The following RNF121 variants were observed in gnomAD, a reference collection of about 807,000 sequenced individuals.
RNF121 encodes the protein ring finger protein 121.
In RNF121, 21 loss-of-function variants were observed where a neutral mutation model predicts 46.5. The ratio of observed to expected loss-of-function variants is 0.45; its 90% confidence interval spans 0.32 to 0.65. The LOEUF (loss-of-function observed/expected upper bound fraction) is 0.65, where lower values mean the gene tolerates loss of function less well. RNF121 is among the 30% of genes least tolerant of loss of function. The probability of loss-of-function intolerance (pLI) is 0.04; values close to 1 mark genes in which losing one functional copy is unlikely to be tolerated. For synonymous variants in RNF121, 139 were observed against 144.7 expected (o/e 0.96, Z 0.28); for missense variants, 346 against 416.0 (o/e 0.83, Z 1.46).
chr11:71,970,285 G>T (rs1003961629), intron 3 of RNF121, among the ~76,000 whole-genome samples: 1 of 152,136 alleles, frequency 6.6e-6, no homozygotes, highest in Non-Finnish European at 1.5e-5. Flanking sequence ...TTACAAAATA[G>T]TAACAGATAG....
intron 7 of RNF121, 97 bp downstream of exon 7, chr11:71,994,949 C>G: frequency 6.6e-7 from 1 of 1,526,106 alleles, no homozygotes; most frequent in South Asian, 1.2e-5. Flanking sequence ...GGCATGCTGT[C>G]CAGACCCTTG....
At chr11:71,973,881 A>G (rs1954472681) in intron 3 of RNF121, among the ~76,000 whole-genome samples, 1 of 152,252 alleles carries the variant, frequency 6.6e-6, no homozygotes, top group Non-Finnish European at 1.5e-5. Context: ...GAAGAAATAT[A>G]AAATTTAAAA....
At chr11:71,970,270 A>C (rs921355845) in intron 3 of RNF121, among the ~76,000 whole-genome samples, 3 of 152,186 alleles carry the variant, frequency 2.0e-5, no homozygotes, top group Non-Finnish European at 4.4e-5. Flanking sequence ...AGTTCTGGAG[A>C]TCTGTTACAA....
rs1954846805 is a variant in RNF121 at position 71,990,622 on chromosome 11, T to G, written c.532T>G (p.Phe178Val). 3.7e-6 allele frequency: 6 copies of G among 1,614,124 alleles called. No homozygotes were observed. Among genetic ancestry groups the G allele is most frequent in the Non-Finnish European group, 4.2e-6 (5 of 1,179,966 alleles). Residue 178 changes from phenylalanine (F) to valine (V), a missense_variant, in exon 6 of 9, where the codon TTT becomes GTT. Physicochemically the swap from Phe to Val is conservative, Grantham distance 50. Transcript: ENST00000361756. ...GATCAAACCAGAAGATGCCATGGAC[T>G]TTGGCATCTCCCTTCTCTTCTATGG... ...FKIKPEDAMD[F>V]GISLLFYGLY...
intron 3 of RNF121, among the ~76,000 whole-genome samples, chr11:71,978,923 T>G (rs1349999553): frequency 6.6e-6 from 1 of 152,234 alleles, no homozygotes; most frequent in Non-Finnish European, 1.5e-5. Flanking sequence ...TTTCTGATCA[T>G]TTCAGTGTAT....
At chr11:71,960,697 C>T in intron 2 of RNF121, 53 bp from the exon 3 acceptor site, 4 of 1,582,950 alleles carry the variant, frequency 2.5e-6, no homozygotes, top group South Asian at 1.2e-5. Flanking sequence ...AGCACTGTCC[C>T]TTTATCACTA....
chr11:71,961,495 C>A (rs1173281517), intron 3 of RNF121, among the ~76,000 whole-genome samples: 1 of 151,918 alleles, frequency 6.6e-6, no homozygotes, highest in Non-Finnish European at 1.5e-5. Flanking sequence ...CCTGGGAGGT[C>A]AAGGCTGCAG....
chr11:71,996,539 T>A lies in RNF121; in HGVS notation c.*224T>A, dbSNP rs1330565496. 1 of 494,130 alleles carries A rather than the reference T, an allele frequency of 2.0e-6. No individual in the cohort carries two copies. Among genetic ancestry groups the A allele is most frequent in the Non-Finnish European group, 3.5e-6 (1 of 282,020 alleles). 30.6% of individuals were successfully genotyped at this position (494,130 alleles called of 1,614,324 possible). ...TAAAAGAAAACTATTTTGATGAATATATTTAAAAAACCTTTTTTTATTGTG... is the reference window on the plus strand; with the variant it reads ...TAAAAGAAAACTATTTTGATGAATAAATTTAAAAAACCTTTTTTTATTGTG... On this transcript the variant is annotated 3_prime_UTR_variant, in exon 9 of 9. Transcript: ENST00000361756.
chr11:71,976,569 A>G lies in RNF121; in HGVS notation c.244-6192A>G, dbSNP rs1315066378. Reference sequence around the variant, plus strand: ...CGGGGTTTTACCATGTTGGTTGGCCAGTATGGTCTCGATCTCTTGACCTCG... The same window carrying G: ...CGGGGTTTTACCATGTTGGTTGGCCGGTATGGTCTCGATCTCTTGACCTCG... On this transcript the variant is annotated intron_variant, in intron 3 of 8. Transcript: ENST00000361756. Among the ~76,000 whole-genome samples, 5 of 151,946 alleles carry G rather than the reference A, an allele frequency of 3.3e-5. No homozygotes were observed. The East Asian group carries it at 5.8e-4, about 18-fold the overall frequency.
chr11:71,980,856 CATAA>C (rs1486861420), intron 3 of RNF121, among the ~76,000 whole-genome samples: 4 of 152,046 alleles, frequency 2.6e-5, no homozygotes, highest in Non-Finnish European at 5.9e-5. Flanking sequence ...TAAGCCATTT[CATAA>C]ATAATTTTAA....
intron 1 of RNF121, among the ~76,000 whole-genome samples, chr11:71,954,605 A>C (rs1953950597): frequency 6.6e-6 from 1 of 152,128 alleles, no homozygotes; most frequent in African/African-American, 2.4e-5. Flanking sequence ...CAGAAGTCTT[A>C]TTTCTCTATT....
Position 71,950,716 on chromosome 11 carries a change from G to A in RNF121, c.64-6511G>A, listed in dbSNP as rs553897365. ...CTCCCAGGCTGGAGTGCAGTGGCGC[G>A]GTCTTGGCTCACTGCAAGCTCCGCC... On this transcript the variant is annotated intron_variant, in intron 1 of 8. Transcript: ENST00000361756. Among the ~76,000 whole-genome samples the A allele has an allele frequency of 1.8e-4, 27 of 151,898 alleles. No individual in the cohort carries two copies. In the South Asian group the frequency reaches 5.0e-3, roughly 28 times the overall value.
At chr11:71,951,101 G>T (rs1565145670) in intron 1 of RNF121, among the ~76,000 whole-genome samples, 2 of 151,646 alleles carry the variant, frequency 1.3e-5, no homozygotes. Flanking sequence ...GTGCATGCCT[G>T]TAATCTCAAC....
At position 71,997,281 on chromosome 11, in the gene RNF121, T is replaced by A. The variant is rs755332974; in HGVS notation, c.*966T>A. ...CAGCTTCTCCCTGTGTCAGATGATA[T>A]GTCCTTGAAGCTGGCAGGGGATTCC... is the stretch of plus-strand genomic sequence containing the variant. On this transcript the variant is annotated 3_prime_UTR_variant, in exon 9 of 9. Coordinates refer to ENST00000361756, the MANE Select transcript of RNF121 (RefSeq NM_018320.5). 1.3e-5 allele frequency: 2 copies of A among 152,208 alleles called. No homozygotes were observed. 9.4% of individuals were successfully genotyped at this position (152,208 alleles called of 1,614,324 possible).
chr11:71,942,770 C>A (rs1159282151), intron 1 of RNF121, among the ~76,000 whole-genome samples: 1 of 22,994 alleles, frequency 4.3e-5, no homozygotes, highest in Non-Finnish European at 2.1e-4. Context: ...ATCTATATAT[C>A]TGTATATATA....
intron 3 of RNF121, among the ~76,000 whole-genome samples, chr11:71,971,620 C>T (rs1954422900): frequency 6.6e-6 from 1 of 151,904 alleles, no homozygotes; most frequent in Non-Finnish European, 1.5e-5. Context: ...GAAAAACAGG[C>T]CAGAGATATG....
chr11:71,956,412 G>A (rs549711772), intron 1 of RNF121, among the ~76,000 whole-genome samples: 1 of 152,224 alleles, frequency 6.6e-6, no homozygotes, highest in African/African-American at 2.4e-5. Context: ...TCAACTAGGG[G>A]GACGCTATGG....
chr11:71,976,345 C>CTTTTTTTT (rs35710756), intron 3 of RNF121, among the ~76,000 whole-genome samples: 2 of 46,078 alleles, frequency 4.3e-5, no homozygotes, highest in Non-Finnish European at 3.7e-5. Context: ...TGGGTATATT[C>CTTTTTTTT]TTTTTTTTTT....
Position 71,958,542 on chromosome 11 carries a change from T to G in RNF121, c.101+1278T>G, listed in dbSNP as rs940871274. Among the ~76,000 whole-genome samples, 9 of 152,208 alleles carry G rather than the reference T, an allele frequency of 5.9e-5. No homozygotes were observed. The East Asian group carries it at 1.5e-3, about 26-fold the overall frequency. ...AATGAGCTTTCTGTCCCTAAAACATTGGGATTTTATTCATTTATAAGCAAA... is the reference window on the plus strand; with the variant it reads ...AATGAGCTTTCTGTCCCTAAAACATGGGGATTTTATTCATTTATAAGCAAA... On this transcript the variant is annotated intron_variant, in intron 2 of 8. Coordinates refer to ENST00000361756, the MANE Select transcript of RNF121 (RefSeq NM_018320.5).
Sources: gnomAD v4.1 joint callset for allele counts (sites outside exome capture counted in the v4.1 genomes callset) on GRCh38, gnomAD v4.1.1 for gene constraint, MANE v1.5 for transcripts, NCBI Gene and HGNC (gene_info 2026-07-23, HGNC 2026-07-21) for gene names.